Variants in FCN1 observed in about 807,000 individuals in gnomAD.
FCN1 encodes the protein ficolin-1.
Under a neutral mutation model 35.6 loss-of-function variants are expected in FCN1, and 42 were observed. That is an observed-to-expected ratio of 1.18 (90% CI 0.92 to 1.53). The LOEUF is 1.53. Among genes scored for constraint, FCN1 ranks in the 40% most tolerant of loss-of-function variants. The pLI, the probability that FCN1 is intolerant of heterozygous loss-of-function variation, is 0.00. For missense variants in FCN1, 439 were observed against 428.4 expected (o/e 1.02, Z -0.22); for synonymous variants, 179 against 169.8 (o/e 1.05, Z -0.42).
chr9:134,912,274 G>T (rs1831032511), intron 7 of FCN1, among the ~76,000 whole-genome samples: 1 of 152,190 alleles, frequency 6.6e-6, no homozygotes, highest in African/African-American at 2.4e-5. Context: ...ACCTGAAGAG[G>T]CCTTCAGCCC....
chr9:134,911,337 G>A (rs1831020772), intron 7 of FCN1, 70 bp from the exon 8 acceptor site: 1 of 1,357,808 alleles, frequency 7.4e-7, no homozygotes, highest in Admixed American at 2.1e-5. Context: ...GGCTGGGGAT[G>A]GGTAATTTTT....
At chr9:134,914,577 C>T (rs1831067977) in intron 3 of FCN1, among the ~76,000 whole-genome samples, 157 bp from the exon 4 acceptor site, 1 of 152,194 alleles carries the variant, frequency 6.6e-6, no homozygotes, top group South Asian at 2.1e-4. Flanking sequence ...TGGGGAGGGG[C>T]CCCGAGGCCT....
At chr9:134,914,294 G>C in intron 4 of FCN1, 91 bp downstream of exon 4, 4 of 1,124,156 alleles carry the variant, frequency 3.6e-6, no homozygotes, top group Non-Finnish European at 5.5e-6. Context: ...TGACAGGGAC[G>C]TGGGCGGTGG....
chr9:134,910,159 C>T (rs1352646686), intron 8 of FCN1, 114 bp from the exon 9 acceptor site: 8 of 1,010,770 alleles, frequency 7.9e-6, no homozygotes, highest in African/African-American at 3.2e-5. Flanking sequence ...ACGCATGAGC[C>T]GAGCTACAGG....
chr9:134,916,613 C>T, intron 1 of FCN1, 152 bp from the exon 2 acceptor site: 2 of 736,248 alleles, frequency 2.7e-6, no homozygotes, highest in Non-Finnish European at 4.6e-6. Context: ...GCTTTGGAGG[C>T]CACCCCGACC....
rs528103940 is a variant in FCN1 at position 134,904,550 on chromosome 9, G to A, written c.*5248C>T. ...TCCTAGCACTTTGGGAGGCTGAGGC[G>A]GGTGGATCACTTGAGGTCAGGAGTT... On this transcript the variant is annotated 3_prime_UTR_variant, in exon 9 of 9. Transcript: ENST00000371806. Among the ~76,000 whole-genome samples, 13 of 152,242 alleles carry A rather than the reference G, an allele frequency of 8.5e-5. No individual in the cohort carries two copies. In the South Asian group the frequency reaches 1.2e-3, roughly 15 times the overall value.
At chr9:134,912,761 A>T (rs1049969227) in intron 6 of FCN1, 146 bp from the exon 7 acceptor site, 4 of 1,214,034 alleles carry the variant, frequency 3.3e-6, no homozygotes, top group Admixed American at 4.4e-5. Context: ...CTCCTCACAG[A>T]CTCCACAGGA....
chr9:134,912,911 C>T (rs2070623), intron 6 of FCN1, 105 bp downstream of exon 6: 950,969 of 1,504,832 alleles, frequency 0.63, 305,036 homozygotes, highest in African/African-American at 0.87. Flanking sequence ...TATGATTGTC[C>T]CCATCCAGGG....
chr9:134,911,317 C>T (rs1052937450), intron 7 of FCN1, 50 bp from the exon 8 acceptor site: 2 of 1,573,054 alleles, frequency 1.3e-6, no homozygotes, highest in African/African-American at 1.4e-5. Context: ...TTTCTGTCAC[C>T]AGGCATGAGG....
chr9:134,904,230 GA>G lies in FCN1; in HGVS notation c.*5567del. On this transcript the variant is annotated 3_prime_UTR_variant, in exon 9 of 9. Transcript: ENST00000371806. ...CTTGTAGTAAAACTATCAAGGCAAA[GA>G]AAAAAAATTTTATAAATGTATTTTT... Among the ~76,000 whole-genome samples, 1 of 151,856 alleles carries G rather than the reference GA, an allele frequency of 6.6e-6. No individual in the cohort carries two copies. The highest frequency in any genetic ancestry group is 6.6e-5 in the Admixed American group (1 of 15,248).
At position 134,912,556 on chromosome 9, in the gene FCN1, C is replaced by T; in HGVS notation, c.528G>A (p.Lys176=). ...VDFYRDWAAY[K]QGFGSQLGEF... is the part of the protein sequence containing the mutation. ...CCCCCAGCTGACTGCCGAAGCCCTG[C>T]TTGTATGCGGCCCAGTCCCGATAGA... Residue 176 remains lysine (K), a synonymous_variant, in exon 7 of 9, where the codon AAG becomes AAA. Transcript: ENST00000371806. 6.2e-7 allele frequency: 1 copy of T among 1,614,182 alleles called. No homozygotes were observed. Among genetic ancestry groups the T allele is most frequent in the East Asian group, 2.2e-5 (1 of 44,866 alleles).
intron 4 of FCN1, 62 bp downstream of exon 4, chr9:134,914,323 C>T: frequency 6.6e-7 from 1 of 1,516,856 alleles, no homozygotes. Context: ...ACTGAGGCCT[C>T]TGAGACCCCT....
At chr9:134,914,654 T>C (rs765629478) in intron 3 of FCN1, 102 bp downstream of exon 3, 11 of 923,948 alleles carry the variant, frequency 1.2e-5, no homozygotes, top group Middle Eastern at 2.5e-4. Context: ...TCTCTCTGTG[T>C]CTGTGTCTGT....
intron 7 of FCN1, among the ~76,000 whole-genome samples, chr9:134,911,899 G>C (rs1283094872): frequency 1.3e-5 from 2 of 152,204 alleles, no homozygotes. Flanking sequence ...CACAGCAGTG[G>C]GCGAAGCTCT....
chr9:134,915,196 G>A (rs2989723), intron 2 of FCN1, among the ~76,000 whole-genome samples: 79,472 of 152,030 alleles, frequency 0.52, 22,047 homozygotes, highest in Non-Finnish European at 0.62. Context: ...ATCCTACCAC[G>A]TCCCCACACG....
Position 134,905,594 on chromosome 9 carries a change from C to T in FCN1, c.*4204G>A, listed in dbSNP as rs906790996. 6.6e-6 allele frequency among the ~76,000 whole-genome samples: 1 copy of T among 151,770 alleles called. No individual in the cohort carries two copies. Among genetic ancestry groups the T allele is most frequent in the African/African-American group, 2.4e-5 (1 of 41,226 alleles). On this transcript the variant is annotated 3_prime_UTR_variant, in exon 9 of 9. Transcript: ENST00000371806. ...TGCCTCCTGGGTTCACGCCATTCTC[C>T]TGCCTCAGCTTCTCGAGTAGCTGGG...
chr9:134,907,550 T>C lies in FCN1; in HGVS notation c.*2248A>G, dbSNP rs1399111361. 6.6e-6 allele frequency: 1 copy of C among 152,258 alleles called. No homozygotes were observed. The highest frequency in any genetic ancestry group is 1.5e-5 in the Non-Finnish European group (1 of 68,044). The allele number at this position is 152,258 out of a possible 1,614,324, so 9.4% of individuals were successfully genotyped here. A position where few individuals can be genotyped will look rare whatever the true frequency, so the allele number is the denominator to read the frequency against. ...GAGCATTGCCAGAACCCCAGAGGCT[T>C]GTCCCTGTCCCTTCCCAGTCACCAT... On this transcript the variant is annotated 3_prime_UTR_variant, in exon 9 of 9. Coordinates refer to ENST00000371806, the MANE Select transcript of FCN1 (RefSeq NM_002003.5).
chr9:134,916,722 G>A (rs1158443730), intron 1 of FCN1, among the ~76,000 whole-genome samples: 1 of 152,248 alleles, frequency 6.6e-6, no homozygotes, highest in Non-Finnish European at 1.5e-5. Context: ...ATAATAACAA[G>A]GTTGCGGCCA....
At chr9:134,913,913 G>A (rs1435709385) in intron 4 of FCN1, among the ~76,000 whole-genome samples, 6 of 152,288 alleles carry the variant, frequency 3.9e-5, no homozygotes, top group Admixed American at 2.6e-4. Flanking sequence ...TGATAACAGC[G>A]GAATAACTCT....
Sources: gnomAD v4.1 joint callset for allele counts (sites outside exome capture counted in the v4.1 genomes callset) on GRCh38, gnomAD v4.1.1 for gene constraint, MANE v1.5 for transcripts, NCBI Gene and HGNC (gene_info 2026-07-23, HGNC 2026-07-21) for gene names.